Variants in DNHD1 observed in about 807,000 individuals in gnomAD.
DNHD1 encodes the protein dynein heavy chain domain 1, also known as dynein heavy chain domain-containing protein 1.
A neutral mutation model predicts 458.1 loss-of-function variants in DNHD1; 383 were observed. The observed-to-expected ratio is 0.84, with a 90% CI of 0.77 to 0.91. The LOEUF (loss-of-function observed/expected upper bound fraction) is 0.91. DNHD1 is among the 40% of genes least tolerant of loss of function. The probability of loss-of-function intolerance (pLI) is 0.00; values close to 1 mark genes in which losing one functional copy is unlikely to be tolerated. For synonymous variants in DNHD1, 2,203 were observed against 2,376.9 expected, an observed-to-expected ratio of 0.93 and a Z score of 2.13; for missense variants, 5,336 against 5,866.1, an observed-to-expected ratio of 0.91 and a Z score of 2.95.
Position 6,571,449 on chromosome 11 carries a change from C to G in DNHD1, c.13911+26C>G. The G allele has an allele frequency of 1.3e-6, 2 of 1,545,118 alleles. No individual in the cohort carries two copies. The highest frequency in any genetic ancestry group is 1.8e-6 in the Non-Finnish European group (2 of 1,141,524). On this transcript the variant is annotated intron_variant, in intron 42 of 42. Transcript: ENST00000254579. The surrounding 1 kb of genome is among the most constrained non-coding windows in gnomAD (Gnocchi z 5.0). ...GTATCTTCGCGCCGCCCCTCGTTCGCGGTTCCAGTCCCCTCGAAGTCTCTA... is the reference window on the plus strand; with the variant it reads ...GTATCTTCGCGCCGCCCCTCGTTCGGGGTTCCAGTCCCCTCGAAGTCTCTA...
chr11:6,526,016 A>G (rs972669439), intron 10 of DNHD1, among the ~76,000 whole-genome samples: 3 of 146,978 alleles, frequency 2.0e-5, no homozygotes, highest in Non-Finnish European at 3.1e-5. Flanking sequence ...ACGGTTTTTA[A>G]TATTTGTTCT....
chr11:6,534,057 T>A lies in DNHD1; in HGVS notation c.2882T>A (p.Met961Lys), dbSNP rs781544638. The A allele has an allele frequency of 1.5e-5, 24 of 1,551,580 alleles. No homozygotes were observed. The highest frequency in any genetic ancestry group is 4.8e-5 in the South Asian group (4 of 84,044). Residue 961 changes from methionine to lysine, a missense_variant, in exon 14 of 43, where the codon ATG (methionine) becomes AAG (lysine). By Grantham distance (95) the Met-to-Lys change is moderately conservative (BLOSUM62 -1). Transcript: ENST00000254579. ...LLAKALSGPF[M>K]DPTQDQRSTE... ...GCGAAGGCCCTCTCCGGTCCCTTTATGGACCCCACACAAGATCAGAGGAGT... is the reference window on the plus strand; with the variant it reads ...GCGAAGGCCCTCTCCGGTCCCTTTAAGGACCCCACACAAGATCAGAGGAGT...
chr11:6,535,283 CTG>C (rs1475187666), intron 14 of DNHD1, among the ~76,000 whole-genome samples: 1 of 152,200 alleles, frequency 6.6e-6, no homozygotes, highest in East Asian at 1.9e-4. Context: ...ACGCATGTAA[CTG>C]TGTGTTTATG....
chr11:6,515,469 T>G (rs530202078), intron 7 of DNHD1, among the ~76,000 whole-genome samples: 1 of 152,340 alleles, frequency 6.6e-6, no homozygotes, highest in East Asian at 1.9e-4. Flanking sequence ...TCCTCAGCCT[T>G]TGTGTTTTCC....
intron 24 of DNHD1, among the ~76,000 whole-genome samples, chr11:6,549,297 A>G (rs1050666677): frequency 6.6e-6 from 1 of 152,160 alleles, no homozygotes; most frequent in Admixed American, 6.5e-5. Flanking sequence ...TTCACCATCC[A>G]GCCAGTCATG....
rs1258407566 is a variant in DNHD1, at chr11:6,564,740, C to G, written c.10692C>G (p.Ile3564Met). 1 of 1,547,684 alleles carries G rather than the reference C, an allele frequency of 6.5e-7. No homozygotes were observed. ...TTGACCCCAGCAACGAGGCCCTCAT[C>G]TGGTTGGACCCGCTGCCTCTGGAAG... ...LLLDPSNEAL[I>M]WLDPLPLEEN... Residue 3564 changes from isoleucine (I) to methionine (M), a missense_variant, in exon 32 of 43, where the codon ATC becomes ATG. Ile to Met is a conservative substitution (Grantham distance 10, BLOSUM62 1). Transcript: ENST00000254579.
Position 6,547,332 on chromosome 11 carries a change from A to AACC in DNHD1, c.6395_6396insCAC (p.Thr2132dup). The AACC allele has an allele frequency of 1.3e-6, 2 of 1,551,760 alleles. No individual in the cohort carries two copies. ...TTCTCTTGATGGAGGTGGCTGACAC[A>AACC]ACAGGCATATCCCCCACAGTGGTAG... is the stretch of plus-strand genomic sequence containing the variant. On this transcript the variant is annotated inframe_insertion, in exon 21 of 43. Transcript: ENST00000254579.
chr11:6,546,700 A>G lies in DNHD1; in HGVS notation c.5761A>G (p.Asn1921Asp). Residue 1921 changes from asparagine to aspartate, a missense_variant, in exon 21 of 43, where the codon AAT (asparagine) becomes GAT (aspartate). Physicochemically the swap from Asn to Asp is conservative, Grantham distance 23. Transcript: ENST00000254579. ...LLRSPLFSIL[N>D]GLHLHNLRGL... ...GCGCTCACCACTGTTTAGCATTCTC[A>G]ATGGGCTCCACCTGCACAACCTCCG... The G allele has an allele frequency of 6.5e-7, 1 of 1,538,080 alleles. No individual in the cohort carries two copies. Among genetic ancestry groups the G allele is most frequent in the Non-Finnish European group, 8.8e-7 (1 of 1,138,648 alleles).
In DNHD1 at chr11:6,552,077, A is replaced by T. The variant is rs1412063777; in HGVS notation, c.7387+3144A>T. 6.3e-5 allele frequency among the ~76,000 whole-genome samples: 9 copies of T among 143,766 alleles called. 1 individual carries two copies. The highest frequency in any genetic ancestry group is 8.0e-5 in the African/African-American group (3 of 37,594). 94.3% of individuals were successfully genotyped at this position (143,766 alleles called of 152,430 possible). A position where few individuals can be genotyped will look rare whatever the true frequency, so the allele number is the denominator to read the frequency against. ...GGGCAGCATAGTGGGACCCTCATTT[A>T]AAAAAAAAAGTTTTAAAAAATGGAT... On this transcript the variant is annotated intron_variant, in intron 24 of 42. Coordinates refer to ENST00000254579, the MANE Select transcript of DNHD1 (RefSeq NM_144666.3).
chr11:6,571,212 G>C lies in DNHD1; in HGVS notation c.13700G>C (p.Gly4567Ala). The change falls in exon 42 of 43, where the codon GGC (glycine) becomes GCC (alanine). Residue 4567 changes from glycine to alanine, a missense_variant. Physicochemically the swap from Gly to Ala is moderately conservative, Grantham distance 60 (BLOSUM62 0). This residue lies in a region of DNHD1 where 698 missense variants were observed against 664.9 expected (regional missense o/e 1.05). Coordinates refer to ENST00000254579, the MANE Select transcript of DNHD1 (RefSeq NM_144666.3). The surrounding 1 kb of genome is among the most constrained non-coding windows in gnomAD (Gnocchi z 5.0). The stretch of plus-strand genomic sequence containing the variant: ...GGGCAACTGTTGGTTCGTTACTTGG[G>C]CGTGGGCGCGGACGCGAGCAGTGAT... Reference protein sequence around the residue: ...RRGQLLVRYLGVGADASSDVP... With the variant: ...RRGQLLVRYLAVGADASSDVP... The C allele has an allele frequency of 1.2e-6, 2 of 1,608,474 alleles. No homozygotes were observed. The highest frequency in any genetic ancestry group is 1.7e-6 in the Non-Finnish European group (2 of 1,176,928).
rs765890319 is a variant in DNHD1, at chr11:6,519,707, C to G, written c.1500C>G (p.His500Gln). The change falls in exon 8 of 43, where the codon CAC becomes CAG. Residue 500 changes from histidine to glutamine, a missense_variant. Physicochemically the swap from His to Gln is conservative, Grantham distance 24. Coordinates refer to ENST00000254579, the MANE Select transcript of DNHD1 (RefSeq NM_144666.3). ...CCATATACCTTCAGAGGGTACAGCA[C>G]AAGCAACTGGAGCAGAAGCTGAAGC... is the stretch of plus-strand genomic sequence containing the variant. ...QGSIYLQRVQHKQLEQKLKQA... is the reference protein window; with the variant it reads ...QGSIYLQRVQQKQLEQKLKQA... The G allele has an allele frequency of 6.2e-7, 1 of 1,614,198 alleles. No homozygotes were observed.
At chr11:6,523,692 A>G (rs1470104357) in intron 10 of DNHD1, among the ~76,000 whole-genome samples, 1 of 152,202 alleles carries the variant, frequency 6.6e-6, no homozygotes, top group Non-Finnish European at 1.5e-5. Flanking sequence ...GTTGATTTCA[A>G]ATTTCTTCTT....
rs111441181 is a variant in DNHD1, at chr11:6,559,418, C to T, written c.9519+135C>T. On this transcript the variant is annotated intron_variant, in intron 28 of 42. Coordinates refer to ENST00000254579, the MANE Select transcript of DNHD1 (RefSeq NM_144666.3). Reference sequence around the variant, plus strand: ...CCTTTCCCTAGGAAATCTCTCTGATCTCCGCTGCCTCCTCCTTTACAGCTT... The same window carrying T: ...CCTTTCCCTAGGAAATCTCTCTGATTTCCGCTGCCTCCTCCTTTACAGCTT... The T allele has an allele frequency of 1.8e-3, 1,273 of 722,854 alleles. 14 individuals carry two copies. In the African/African-American group the frequency reaches 0.02, roughly 12 times the overall value. The allele number at this position is 722,854 out of a possible 1,614,324, so 44.8% of individuals were successfully genotyped here. A position where few individuals can be genotyped will look rare whatever the true frequency, so the allele number is the denominator to read the frequency against.
Position 6,545,419 on chromosome 11 carries a change from C to G in DNHD1, c.4480C>G (p.Leu1494Val). 1 of 1,551,836 alleles carries G rather than the reference C, an allele frequency of 6.4e-7. No individual in the cohort carries two copies. Among genetic ancestry groups the G allele is most frequent in the Non-Finnish European group, 8.7e-7 (1 of 1,147,032 alleles). Reference protein sequence around the residue: ...LPKQNKLYLQLYVQHWIDLVQ... With the variant: ...LPKQNKLYLQVYVQHWIDLVQ... ...CAAGCAAAACAAGTTGTACCTGCAACTGTATGTCCAGCACTGGATCGACTT... is the reference window on the plus strand; with the variant it reads ...CAAGCAAAACAAGTTGTACCTGCAAGTGTATGTCCAGCACTGGATCGACTT... The change falls in exon 21 of 43, where the codon CTG (leucine) becomes GTG (valine). Residue 1494 changes from leucine (L) to valine (V), a missense_variant. Leu to Val is a conservative substitution (Grantham distance 32, BLOSUM62 1). Around this residue, in one of 4 missense-constraint regions of DNHD1, gnomAD observed 3,932 missense variants for 4,365.6 expected, o/e 0.90. Coordinates refer to ENST00000254579, the MANE Select transcript of DNHD1 (RefSeq NM_144666.3). The surrounding 1 kb of genome is among the most constrained non-coding windows in gnomAD (Gnocchi z 4.9).
intron 32 of DNHD1, among the ~76,000 whole-genome samples, chr11:6,565,354 A>G (rs931050720): frequency 1.2e-4 from 19 of 152,238 alleles, no homozygotes; most frequent in Admixed American, 6.5e-4. Flanking sequence ...TAGAAAATAC[A>G]GAAGAGAGGC....
At chr11:6,558,842 C>T (rs1853523823) in intron 26 of DNHD1, 60 bp from the exon 27 acceptor site, 2 of 1,531,352 alleles carry the variant, frequency 1.3e-6, no homozygotes, top group Admixed American at 2.0e-5. Context: ...GAGAGGATCC[C>T]TTTCCTTTCC....
chr11:6,558,772 T>TCTCC lies in DNHD1; in HGVS notation c.9211+83_9211+86dup. 3 of 1,510,548 alleles carry TCTCC rather than the reference T, an allele frequency of 2.0e-6. No individual in the cohort carries two copies. In the South Asian group the frequency reaches 3.6e-5, roughly 18 times the overall value. The allele number at this position is 1,510,548 out of a possible 1,614,324, so 93.6% of individuals were successfully genotyped here. A position where few individuals can be genotyped will look rare whatever the true frequency, so the allele number is the denominator to read the frequency against. On this transcript the variant is annotated intron_variant, in intron 26 of 42. Transcript: ENST00000254579. Reference sequence around the variant, plus strand: ...GTTATTACCTAGGTCAGTCTCTCTCTCTCCCTCTCTAGAGCCTACAGAGCC... The same window carrying TCTCC: ...GTTATTACCTAGGTCAGTCTCTCTCTCTCCCTCCCTCTCTAGAGCCTACAGAGCC...
chr11:6,532,386 C>T (rs1004058523), intron 12 of DNHD1, among the ~76,000 whole-genome samples: 1 of 152,162 alleles, frequency 6.6e-6, no homozygotes, highest in African/African-American at 2.4e-5. Flanking sequence ...GGGCAGCTTC[C>T]AGGATTACTT....
intron 36 of DNHD1, 55 bp from the exon 37 acceptor site, chr11:6,568,001 C>T (rs372336240): frequency 3.3e-5 from 50 of 1,492,834 alleles, no homozygotes; most frequent in East Asian, 9.8e-5. Flanking sequence ...TTGGGTCCCT[C>T]GGGTCACCCT....
Sources: allele counts gnomAD v4.1 joint callset (sites outside exome capture counted in the v4.1 genomes callset), GRCh38; gene constraint gnomAD v4.1.1; regional missense constraint gnomAD v4.1.1; non-coding constraint Gnocchi (gnomAD v3.1); transcripts MANE v1.5; gene names NCBI Gene and HGNC (gene_info 2026-07-23, HGNC 2026-07-21).